The following DYRK1A variants were observed in gnomAD, a reference collection of about 807,000 sequenced individuals.
The protein encoded by DYRK1A is dual specificity tyrosine-phosphorylation-regulated kinase 1A.
DYRK1A carries 9 observed loss-of-function variants against 79.7 expected under a neutral mutation model. The observed-to-expected ratio is 0.11, with a 90% confidence interval of 0.07 to 0.20. The LOEUF (loss-of-function observed/expected upper bound fraction) is 0.20, where lower values mean the gene tolerates loss of function less well. Ranked by LOEUF, DYRK1A falls within the 10% of genes least tolerant of loss-of-function variation. DYRK1A has a pLI of 1.00. For missense variants in DYRK1A, 622 were observed against 956.0 expected (o/e 0.65, Z 4.61); for synonymous variants, 349 against 329.7 (o/e 1.06, Z -0.63).
Position 37,519,062 on chromosome 21 carries a change from A to G in DYRK1A, c.*6531A>G, listed in dbSNP as rs2053909232. ...CCAGATGTAAGTATATAAAACTTAC[A>G]CAGTTTGTTCCTTTTTGTTGTCTTC... is the stretch of plus-strand genomic sequence containing the variant. On this transcript the variant is annotated 3_prime_UTR_variant, in exon 12 of 12. Transcript: ENST00000647188. 6.6e-6 allele frequency: 1 copy of G among 152,244 alleles called. No individual in the cohort carries two copies. Among genetic ancestry groups the G allele is most frequent in the Non-Finnish European group, 1.5e-5 (1 of 68,046 alleles). 9.4% of individuals were successfully genotyped at this position (152,244 alleles called of 1,614,324 possible). A position where few individuals can be genotyped will look rare whatever the true frequency, so the allele number is the denominator to read the frequency against.
chr21:37,402,799 G>A (rs9808812), intron 1 of DYRK1A, among the ~76,000 whole-genome samples: 28,221 of 151,476 alleles, frequency 0.19, 2,869 homozygotes, highest in East Asian at 0.36. Context: ...GTCTTACTCT[G>A]TTGCCCAGGC....
At chr21:37,371,282 T>A (rs1216682788) in intron 1 of DYRK1A, among the ~76,000 whole-genome samples, 1 of 152,222 alleles carries the variant, frequency 6.6e-6, no homozygotes, top group Non-Finnish European at 1.5e-5. Flanking sequence ...ATTGGGTAAT[T>A]GAAGAAAGAT....
At position 37,512,607 on chromosome 21, in the gene DYRK1A, G is replaced by A. The variant is rs2053787989; in HGVS notation, c.*76G>A. 2 of 1,534,498 alleles carry A rather than the reference G, an allele frequency of 1.3e-6. No individual in the cohort carries two copies. The highest frequency in any genetic ancestry group is 3.8e-5 in the Admixed American group (2 of 53,236). ...TTTTTTTCCAAAAACAAAGTGCAAA[G>A]CTGCTTGAATCAGGAGGAGATTAAC... On this transcript the variant is annotated 3_prime_UTR_variant, in exon 12 of 12. Transcript: ENST00000647188.
At chr21:37,451,494 T>C (rs1355947909) in intron 2 of DYRK1A, among the ~76,000 whole-genome samples, 1 of 152,034 alleles carries the variant, frequency 6.6e-6, no homozygotes, top group Admixed American at 6.6e-5. Flanking sequence ...GCACAAATAA[T>C]GAGGGTTACA....
At chr21:37,456,055 T>G (rs1010887317) in intron 2 of DYRK1A, 3 of 152,250 alleles carry the variant, frequency 2.0e-5, no homozygotes, top group African/African-American at 7.2e-5. Flanking sequence ...ATCCCATGTT[T>G]TAGCTTGCCA....
chr21:37,522,037 G>C lies in DYRK1A; in HGVS notation c.*9506G>C, dbSNP rs2053938406. 1 of 152,184 alleles carries C rather than the reference G, an allele frequency of 6.6e-6. No individual in the cohort carries two copies. Among genetic ancestry groups the C allele is most frequent in the South Asian group, 2.1e-4 (1 of 4,830 alleles). The allele number at this position is 152,184 out of a possible 1,614,324, so 9.4% of individuals were successfully genotyped here. ...CTGATGGCGAAGGGGATGACCTAGA[G>C]GGAGTTGGGAGGACAGCCTAGGATA... is the stretch of plus-strand genomic sequence containing the variant. On this transcript the variant is annotated 3_prime_UTR_variant, in exon 12 of 12. Transcript: ENST00000647188.
intron 1 of DYRK1A, among the ~76,000 whole-genome samples, chr21:37,399,212 A>G (rs543122476): frequency 1.4e-4 from 22 of 152,292 alleles, no homozygotes; most frequent in South Asian, 1.0e-3. Context: ...GTGGTTGGCA[A>G]TGGTGGGGCC....
At chr21:37,377,287 T>C (rs2049565478) in intron 1 of DYRK1A, among the ~76,000 whole-genome samples, 1 of 152,044 alleles carries the variant, frequency 6.6e-6, no homozygotes, top group African/African-American at 2.4e-5. Context: ...GCCCGGCTAA[T>C]TTTTCGTATT....
chr21:37,515,895 T>C lies in DYRK1A; in HGVS notation c.*3364T>C, dbSNP rs2053875776. The C allele has an allele frequency of 1.3e-5, 2 of 152,160 alleles. No homozygotes were observed. The highest frequency in any genetic ancestry group is 4.8e-5 in the African/African-American group (2 of 41,440). The allele number at this position is 152,160 out of a possible 1,614,324, so 9.4% of individuals were successfully genotyped here. A position where few individuals can be genotyped will look rare whatever the true frequency, so the allele number is the denominator to read the frequency against. On this transcript the variant is annotated 3_prime_UTR_variant, in exon 12 of 12. Transcript: ENST00000647188. ...AAAAAATCATGAAAGATTCAGTAAT[T>C]ATGTTAGGCTCACAAGTGACCATTG...
intron 6 of DYRK1A, chr21:37,488,983 C>T (rs2052977753): frequency 6.7e-6 from 3 of 446,324 alleles, no homozygotes; most frequent in Non-Finnish European, 8.9e-6. Context: ...TCGAGTTGTG[C>T]TGTAGACTCC....
chr21:37,449,142 G>A lies in DYRK1A; in HGVS notation c.11-23542G>A, dbSNP rs1400455866. On this transcript the variant is annotated intron_variant, in intron 2 of 11. Transcript: ENST00000647188. The stretch of plus-strand genomic sequence containing the variant: ...CTGGGAGGTAGTTTTGTTTGTATTA[G>A]TTCAAGTCCATACTGGAATACGTTT... 3.9e-5 allele frequency among the ~76,000 whole-genome samples: 6 copies of A among 152,290 alleles called. No homozygotes were observed. The East Asian group carries it at 1.2e-3, about 29-fold the overall frequency.
chr21:37,488,509 A>G (rs2052957719), intron 6 of DYRK1A: 1 of 890,638 alleles, frequency 1.1e-6, no homozygotes, highest in Non-Finnish European at 1.3e-6. Flanking sequence ...ATTATTTGGT[A>G]CCTGCCATGG....
chr21:37,423,820 G>A (rs1389866840), intron 2 of DYRK1A, among the ~76,000 whole-genome samples: 1 of 152,028 alleles, frequency 6.6e-6, no homozygotes, highest in East Asian at 1.9e-4. Flanking sequence ...TTTTAAATGT[G>A]CTGATTTGTT....
At chr21:37,369,864 CTT>C (rs1459433191) in intron 1 of DYRK1A, among the ~76,000 whole-genome samples, 4 of 152,210 alleles carry the variant, frequency 2.6e-5, no homozygotes, top group Non-Finnish European at 5.9e-5. Flanking sequence ...CTATTAGAAA[CTT>C]AACACATTAT....
chr21:37,422,258 A>T (rs948191664), intron 2 of DYRK1A, among the ~76,000 whole-genome samples: 2 of 152,174 alleles, frequency 1.3e-5, no homozygotes, highest in Admixed American at 1.3e-4. Context: ...CTGTTGGTGT[A>T]TTCCCTTTCT....
At chr21:37,464,242 G>A in intron 2 of DYRK1A, 2 of 471,280 alleles carry the variant, frequency 4.2e-6, no homozygotes, top group Middle Eastern at 3.3e-4. Flanking sequence ...TTTGAGATGT[G>A]TTGTTTATGA....
At chr21:37,408,827 T>C (rs1199873774) in intron 1 of DYRK1A, among the ~76,000 whole-genome samples, 4 of 152,224 alleles carry the variant, frequency 2.6e-5, no homozygotes, top group Admixed American at 2.6e-4. Context: ...TTTCTTTTAC[T>C]CCTGTATTGA....
chr21:37,501,194 C>T (rs555888469), intron 9 of DYRK1A: 6 of 105,870 alleles, frequency 5.7e-5, no homozygotes, highest in African/African-American at 2.0e-4. Flanking sequence ...TTTTTTAAGA[C>T]GGAGTCTCGC....
intron 4 of DYRK1A, among the ~76,000 whole-genome samples, chr21:37,478,908 G>A (rs2052497998): frequency 6.6e-6 from 1 of 152,180 alleles, no homozygotes; most frequent in Non-Finnish European, 1.5e-5. Flanking sequence ...TTCCTTGCCT[G>A]TACTTGGTGT....
Sources: gnomAD v4.1 joint callset for allele counts (sites outside exome capture counted in the v4.1 genomes callset) on GRCh38, gnomAD v4.1.1 for gene constraint, MANE v1.5 for transcripts, NCBI Gene and HGNC (gene_info 2026-07-23, HGNC 2026-07-21) for gene names.